The following GLT8D2 variants were observed in gnomAD, a reference collection of about 807,000 sequenced individuals.
GLT8D2 encodes the protein glycosyltransferase 8 domain-containing protein 2.
GLT8D2 carries 45 observed loss-of-function variants against 44.5 expected under a neutral mutation model. That is an observed-to-expected ratio of 1.01 (90% confidence interval 0.80 to 1.30). The LOEUF is 1.30. Ranked by LOEUF, GLT8D2 falls within the 50% of genes most tolerant of loss-of-function variation. The pLI, the probability that GLT8D2 is intolerant of heterozygous loss-of-function variation, is 0.00. For missense variants in GLT8D2, 400 were observed against 430.4 expected (o/e 0.93, Z 0.62); for synonymous variants, 156 against 157.2 (o/e 0.99, Z 0.06).
chr12:104,051,304 G>C (rs1237662211), upstream of GLT8D2, among the ~76,000 whole-genome samples: 1 of 151,866 alleles, frequency 6.6e-6, no homozygotes, highest in Non-Finnish European at 1.5e-5. Context: ...AAATTTTCTA[G>C]TAGCCACATT....
At chr12:104,035,915 C>A (rs755653492) in intron 1 of GLT8D2, among the ~76,000 whole-genome samples, 11 of 152,066 alleles carry the variant, frequency 7.2e-5, no homozygotes, top group African/African-American at 9.7e-5. Context: ...AGGGCAGCCA[C>A]AAAGAAAGGT....
intron 1 of GLT8D2, among the ~76,000 whole-genome samples, chr12:104,027,300 G>A (rs2136413129): frequency 6.6e-6 from 1 of 152,292 alleles, no homozygotes; most frequent in African/African-American, 2.4e-5. Flanking sequence ...TGATATGTAT[G>A]CATCTAACTT....
At chr12:104,005,424 C>T (rs1298165971) in intron 4 of GLT8D2, among the ~76,000 whole-genome samples, 3 of 152,138 alleles carry the variant, frequency 2.0e-5, no homozygotes, top group Non-Finnish European at 4.4e-5. Flanking sequence ...GCAAAAGAAA[C>T]TACCATCAGA....
chr12:104,024,475 T>C (rs1878304061), intron 1 of GLT8D2, among the ~76,000 whole-genome samples: 1 of 152,146 alleles, frequency 6.6e-6, no homozygotes, highest in Non-Finnish European at 1.5e-5. Flanking sequence ...CAATCTTTTT[T>C]CCTGAGTGGA....
intron 3 of GLT8D2, among the ~76,000 whole-genome samples, chr12:104,019,316 T>C (rs149023472): frequency 0.013 from 1,918 of 152,068 alleles, 20 homozygotes; most frequent in Non-Finnish European, 0.016. Flanking sequence ...TTTGTAGAGA[T>C]GGGGTCTCTC....
chr12:104,013,682 T>C (rs1427013495), intron 4 of GLT8D2, among the ~76,000 whole-genome samples: 1 of 152,154 alleles, frequency 6.6e-6, no homozygotes, highest in African/African-American at 2.4e-5. Flanking sequence ...TTCACTGTTG[T>C]GTTTCCAGTC....
At chr12:104,023,670 C>T (rs1048383217) in intron 1 of GLT8D2, among the ~76,000 whole-genome samples, 4 of 152,186 alleles carry the variant, frequency 2.6e-5, no homozygotes, top group Admixed American at 6.5e-5. Context: ...AATTCCCTTG[C>T]ACCGCCACTT....
intron 1 of GLT8D2, among the ~76,000 whole-genome samples, chr12:104,060,143 T>A (rs1882505275): frequency 1.3e-5 from 2 of 152,240 alleles, no homozygotes; most frequent in South Asian, 4.1e-4. Context: ...TCTGCCTCTA[T>A]GAAACCCTCT....
At chr12:103,996,572 T>C (rs1273094514) in intron 8 of GLT8D2, among the ~76,000 whole-genome samples, 163 bp downstream of exon 8, 1 of 152,204 alleles carries the variant, frequency 6.6e-6, no homozygotes, top group African/African-American at 2.4e-5. Flanking sequence ...AGCTAAGATA[T>C]GAACCAAAGT....
At chr12:103,992,595 C>T (rs1872893245) in intron 10 of GLT8D2, among the ~76,000 whole-genome samples, 1 of 151,188 alleles carries the variant, frequency 6.6e-6, no homozygotes, top group Non-Finnish European at 1.5e-5. Flanking sequence ...CAGGTCCAAG[C>T]GATTCTCCTG....
Position 104,015,037 on chromosome 12 carries a change from C to G in GLT8D2, c.88G>C (p.Gly30Arg). 6.2e-7 allele frequency: 1 copy of G among 1,613,380 alleles called. No individual in the cohort carries two copies. Among genetic ancestry groups the G allele is most frequent in the Non-Finnish European group, 8.5e-7 (1 of 1,179,404 alleles). Residue 30 changes from glycine (G) to arginine (R), a missense_variant, in exon 4 of 11, where the codon GGG becomes CGG. Transcript: ENST00000360814. ...CCTGCGTCATTCTTGGGCACAGTCC[C>G]CTTATGAACTTTCTTATACAGAATC... Reference protein sequence around the residue: ...CVILYKKVHKGTVPKNDADDE... With the variant: ...CVILYKKVHKRTVPKNDADDE...
intron 4 of GLT8D2, among the ~76,000 whole-genome samples, chr12:104,004,747 G>T (rs1193499252): frequency 6.6e-6 from 1 of 152,140 alleles, no homozygotes; most frequent in Non-Finnish European, 1.5e-5. Flanking sequence ...CAAACAAATG[G>T]AAGAACATTC....
chr12:104,057,561 T>A (rs1237053979), intron 1 of GLT8D2, among the ~76,000 whole-genome samples: 10 of 152,178 alleles, frequency 6.6e-5, no homozygotes, highest in Admixed American at 6.5e-4. Flanking sequence ...ATTTCTGTTT[T>A]AAATTATGGC....
intron 1 of GLT8D2, among the ~76,000 whole-genome samples, chr12:104,047,305 CTTTT>C (rs35333809): frequency 1.5e-5 from 2 of 130,878 alleles, no homozygotes; most frequent in African/African-American, 5.7e-5. Context: ...TCTCTTAGGC[CTTTT>C]TTTTTTTTTT....
At chr12:104,042,726 G>A (rs977779942) in intron 1 of GLT8D2, among the ~76,000 whole-genome samples, 1 of 152,110 alleles carries the variant, frequency 6.6e-6, no homozygotes, top group African/African-American at 2.4e-5. Context: ...ATTGTCTTGG[G>A]CCACACATAA....
chr12:104,039,553 C>T (rs1184202843), intron 1 of GLT8D2, among the ~76,000 whole-genome samples: 14 of 152,342 alleles, frequency 9.2e-5, no homozygotes, highest in South Asian at 8.3e-4. Context: ...AAATGCTCAT[C>T]GTCACTGGCC....
intron 1 of GLT8D2, among the ~76,000 whole-genome samples, chr12:104,036,972 C>G (rs953016140): frequency 9.2e-5 from 14 of 152,190 alleles, no homozygotes; most frequent in African/African-American, 3.1e-4. Flanking sequence ...TCTCTCAGAC[C>G]ACATTGCAAT....
chr12:104,040,596 T>C (rs559056515), intron 1 of GLT8D2, among the ~76,000 whole-genome samples: 1 of 152,048 alleles, frequency 6.6e-6, no homozygotes, highest in African/African-American at 2.4e-5. Flanking sequence ...CAACTAATTT[T>C]TGCATATTTA....
At chr12:104,025,998 G>T (rs1273536311) in intron 1 of GLT8D2, among the ~76,000 whole-genome samples, 1 of 152,126 alleles carries the variant, frequency 6.6e-6, no homozygotes, top group Non-Finnish European at 1.5e-5. Flanking sequence ...CAATAATGTG[G>T]CCAGGTATGG....
Sources: gnomAD v4.1 joint callset for allele counts (sites outside exome capture counted in the v4.1 genomes callset) on GRCh38, gnomAD v4.1.1 for gene constraint, MANE v1.5 for transcripts, NCBI Gene and HGNC (gene_info 2026-07-23, HGNC 2026-07-21) for gene names.